MET: variants seen among roughly 807,000 people sequenced by gnomAD.
MET encodes the protein MET proto-oncogene, receptor tyrosine kinase.
Under a neutral mutation model 133.1 loss-of-function variants are expected in MET, and 48 were observed. The ratio of observed to expected loss-of-function variants is 0.36; its 90% CI spans 0.29 to 0.46. MET has a LOEUF of 0.46. Ranked by LOEUF, MET falls within the 20% of genes least tolerant of loss-of-function variation. The pLI, the probability that MET is intolerant of heterozygous loss-of-function variation, is 1.00. For synonymous variants in MET, 628 were observed against 616.5 expected (o/e 1.02, Z -0.28); for missense variants, 1,442 against 1,695.9 (o/e 0.85, Z 2.63).
At position 116,758,637 on chromosome 7, in the gene MET, G is replaced by C. The variant is rs1794280747; in HGVS notation, c.2264+17G>C. ...TTTTATTAGGTAAGTAGAAGCTTCT[G>C]ATGGGTATAAGAAAACAATGAATAC... On this transcript the variant is annotated intron_variant, in intron 9 of 20. Transcript: ENST00000397752. The C allele has an allele frequency of 6.2e-7, 1 of 1,610,310 alleles. No homozygotes were observed. The highest frequency in any genetic ancestry group is 8.5e-7 in the Non-Finnish European group (1 of 1,177,020).
intron 2 of MET, among the ~76,000 whole-genome samples, chr7:116,729,283 G>A (rs1029186303): frequency 2.6e-5 from 4 of 152,188 alleles, no homozygotes; most frequent in Non-Finnish European, 5.9e-5. Context: ...AATTACAAGA[G>A]TCAGTGGGTT....
intron 2 of MET, among the ~76,000 whole-genome samples, chr7:116,716,959 C>A (rs1319852252): frequency 1.3e-5 from 2 of 152,186 alleles, no homozygotes; most frequent in African/African-American, 2.4e-5. Flanking sequence ...AAATTTTGCC[C>A]CCCCCAGCTT....
chr7:116,683,446 C>T (rs1309746473), intron 1 of MET, among the ~76,000 whole-genome samples: 1 of 152,160 alleles, frequency 6.6e-6, no homozygotes, highest in Non-Finnish European at 1.5e-5. Flanking sequence ...TCATTCACCT[C>T]TTACTCAACT....
rs375075152 is a variant in MET, at chr7:116,792,419, C to T, written c.3799-3236C>T. On this transcript the variant is annotated intron_variant, in intron 19 of 20. Transcript: ENST00000397752. ...TTCCTAATGCACATGAATTGTACAC[C>T]TCCCTCCCCTCACCCCCGACCCCCC... 1.3e-4 allele frequency among the ~76,000 whole-genome samples: 19 copies of T among 149,818 alleles called. No homozygotes were observed. The East Asian group carries it at 3.4e-3, about 27-fold the overall frequency.
chr7:116,786,100 G>A (rs1795304625), intron 19 of MET, among the ~76,000 whole-genome samples: 1 of 152,248 alleles, frequency 6.6e-6, no homozygotes, highest in African/African-American at 2.4e-5. Context: ...AGATCAGGAT[G>A]TCAGCATGGT....
At chr7:116,683,963 G>A (rs936203188) in intron 1 of MET, among the ~76,000 whole-genome samples, 2 of 152,110 alleles carry the variant, frequency 1.3e-5, no homozygotes, top group Admixed American at 6.5e-5. Flanking sequence ...CCAATACACC[G>A]ATGGACGAGT....
chr7:116,701,205 T>C (rs1791563587), intron 2 of MET, among the ~76,000 whole-genome samples: 1 of 152,202 alleles, frequency 6.6e-6, no homozygotes, highest in Non-Finnish European at 1.5e-5. Flanking sequence ...TTGAGTTTCT[T>C]GATCTGGGCC....
intron 2 of MET, among the ~76,000 whole-genome samples, chr7:116,725,844 A>T (rs1792731520): frequency 6.6e-6 from 1 of 150,562 alleles, no homozygotes; most frequent in Admixed American, 6.6e-5. Flanking sequence ...GTACTAGTAT[A>T]TATATTTATA....
chr7:116,679,696 G>T (rs1796280670), intron 1 of MET, among the ~76,000 whole-genome samples: 1 of 152,208 alleles, frequency 6.6e-6, no homozygotes, highest in Non-Finnish European at 1.5e-5. Context: ...TAAGAGTGGT[G>T]TTGGGTATTG....
intron 5 of MET, among the ~76,000 whole-genome samples, chr7:116,746,807 C>A (rs908219533): frequency 6.6e-6 from 1 of 151,860 alleles, no homozygotes; most frequent in Non-Finnish European, 1.5e-5. Context: ...GGAGAGTTAG[C>A]ATTAGGAGAT....
chr7:116,757,098 C>G (rs1369923464), intron 6 of MET, among the ~76,000 whole-genome samples: 1 of 151,874 alleles, frequency 6.6e-6, no homozygotes. Flanking sequence ...TTTAATTAAC[C>G]AGATGCCGTG....
chr7:116,699,572 C>T lies in MET; in HGVS notation c.488C>T (p.Ser163Phe), dbSNP rs2116590117. 1 of 1,614,004 alleles carries T rather than the reference C, an allele frequency of 6.2e-7. No homozygotes were observed. Among genetic ancestry groups the T allele is most frequent in the Non-Finnish European group, 8.5e-7 (1 of 1,179,952 alleles). The change falls in exon 2 of 21, where the codon TCC (serine) becomes TTC (phenylalanine). Residue 163 changes from serine to phenylalanine, a missense_variant. Coordinates refer to ENST00000397752, the MANE Select transcript of MET (RefSeq NM_000245.4). ...CAGTCGGAGGTTCACTGCATATTCT[C>T]CCCACAGATAGAAGAGCCCAGCCAG... ...DIQSEVHCIF[S>F]PQIEEPSQCP...
chr7:116,741,114 A>G (rs1390885683), intron 5 of MET, 89 bp downstream of exon 5: 1 of 1,278,448 alleles, frequency 7.8e-7, no homozygotes, highest in Non-Finnish European at 1.0e-6. Flanking sequence ...TTGTTTTTTT[A>G]GATACAAATC....
chr7:116,771,340 G>C (rs1194465754), intron 12 of MET, among the ~76,000 whole-genome samples, 158 bp from the exon 13 acceptor site: 1 of 152,138 alleles, frequency 6.6e-6, no homozygotes, highest in Non-Finnish European at 1.5e-5. Context: ...TTGAACACTG[G>C]AGCATAATTG....
chr7:116,729,142 G>T (rs1328177768), intron 2 of MET, among the ~76,000 whole-genome samples: 1 of 152,156 alleles, frequency 6.6e-6, no homozygotes, highest in Non-Finnish European at 1.5e-5. Context: ...CGAATTGCTG[G>T]TACATCTCAG....
intron 2 of MET, among the ~76,000 whole-genome samples, chr7:116,723,406 A>G (rs1318889211): frequency 6.6e-6 from 1 of 151,540 alleles, no homozygotes; most frequent in Non-Finnish European, 1.5e-5. Flanking sequence ...AAAGTTTTCA[A>G]CTTCTTTTCC....
In MET at chr7:116,723,704, C is replaced by G. The variant is rs541428716; in HGVS notation, c.1201-7964C>G. Among the ~76,000 whole-genome samples, 224 of 152,124 alleles carry G rather than the reference C, an allele frequency of 1.5e-3. 2 individuals carry two copies. Among genetic ancestry groups the G allele is most frequent in the African/African-American group, 4.9e-3 (202 of 41,430 alleles). On this transcript the variant is annotated intron_variant, in intron 2 of 20. Coordinates refer to ENST00000397752, the MANE Select transcript of MET (RefSeq NM_000245.4). ...GTTTGTTAGTTTTCCTTCTAACAGACAGGACCCTCAGCTGCAAGTCTGTTG... is the reference window on the plus strand; with the variant it reads ...GTTTGTTAGTTTTCCTTCTAACAGAGAGGACCCTCAGCTGCAAGTCTGTTG...
chr7:116,732,362 A>G (rs1166537321), intron 3 of MET, among the ~76,000 whole-genome samples: 2 of 152,194 alleles, frequency 1.3e-5, no homozygotes, highest in African/African-American at 4.8e-5. Flanking sequence ...GTAGGGTTGG[A>G]TGCAAATAAG....
intron 2 of MET, among the ~76,000 whole-genome samples, chr7:116,723,714 A>G (rs948612309): frequency 1.2e-4 from 18 of 152,128 alleles, no homozygotes; most frequent in African/African-American, 3.6e-4. Flanking sequence ...CAGGACCCTC[A>G]GCTGCAAGTC....
Sources: allele counts gnomAD v4.1 joint callset (sites outside exome capture counted in the v4.1 genomes callset), GRCh38; gene constraint gnomAD v4.1.1; transcripts MANE v1.5; gene names NCBI Gene and HGNC (gene_info 2026-07-23, HGNC 2026-07-21).